The following GIGYF2 variants were observed in gnomAD, a reference collection of about 807,000 sequenced individuals.
GIGYF2 encodes the protein GRB10 interacting GYF protein 2.
A neutral mutation model predicts 208.1 loss-of-function variants in GIGYF2; 25 were observed. The observed-to-expected ratio is 0.12, with a 90% CI of 0.09 to 0.17. The LOEUF (loss-of-function observed/expected upper bound fraction) is 0.17. GIGYF2 is among the 10% of genes least tolerant of loss of function. GIGYF2 has a pLI of 1.00. For synonymous variants in GIGYF2, 534 were observed against 543.8 expected, an observed-to-expected ratio of 0.98 and a Z score of 0.25; for missense variants, 1,302 against 1,579.4, an observed-to-expected ratio of 0.82 and a Z score of 2.98.
At chr2:232,813,881 A>ATTTT (rs397871962) in intron 18 of GIGYF2, among the ~76,000 whole-genome samples, 17 of 73,530 alleles carry the variant, frequency 2.3e-4, no homozygotes, top group Admixed American at 1.6e-3. Flanking sequence ...TCACAAGTGG[A>ATTTT]TTTTTTTTTT....
rs190488076 is a variant in GIGYF2, at chr2:232,735,495, T to C, written c.41+257T>C. ...GAGTCCCACCCGCCCTAGAAAATTATTTTCTTTTTATTTGAGTCGTTGTCT... is the reference window on the plus strand; with the variant it reads ...GAGTCCCACCCGCCCTAGAAAATTACTTTCTTTTTATTTGAGTCGTTGTCT... On this transcript the variant is annotated intron_variant, in intron 3 of 28. Transcript: ENST00000373563. 1.6e-5 allele frequency: 6 copies of C among 379,646 alleles called. No individual in the cohort carries two copies. In the East Asian group the frequency reaches 2.8e-4, roughly 17 times the overall value. 23.5% of individuals were successfully genotyped at this position (379,646 alleles called of 1,614,324 possible).
At chr2:232,722,809 A>G (rs920458613) in intron 2 of GIGYF2, among the ~76,000 whole-genome samples, 2 of 152,160 alleles carry the variant, frequency 1.3e-5, no homozygotes, top group Non-Finnish European at 2.9e-5. Context: ...AAAAAAACAA[A>G]CAAACTCTAG....
chr2:232,827,118 G>A (rs1701273359), intron 21 of GIGYF2, among the ~76,000 whole-genome samples: 1 of 152,210 alleles, frequency 6.6e-6, no homozygotes, highest in African/African-American at 2.4e-5. Context: ...CTTGTTAGCG[G>A]TTAATGCGGC....
At chr2:232,851,436 C>CTTTTT (rs1690327287) in intron 28 of GIGYF2, among the ~76,000 whole-genome samples, 1 of 146,732 alleles carries the variant, frequency 6.8e-6, no homozygotes, top group Admixed American at 6.8e-5. Flanking sequence ...TTTTCTTTTT[C>CTTTTT]TTTGAGATGG....
chr2:232,751,558 A>G (rs1428170118), intron 5 of GIGYF2, among the ~76,000 whole-genome samples: 1 of 152,154 alleles, frequency 6.6e-6, no homozygotes, highest in Non-Finnish European at 1.5e-5. Context: ...TATGAGCTTC[A>G]TATACCAGTT....
At chr2:232,811,388 A>G (rs756675341) in intron 17 of GIGYF2, 37 bp downstream of exon 17, 9 of 1,163,090 alleles carry the variant, frequency 7.7e-6, no homozygotes, top group Non-Finnish European at 9.1e-6. Flanking sequence ...TATGGGGTGC[A>G]TGTGTTGTGA....
chr2:232,705,891 G>A (rs557937706), intron 2 of GIGYF2: 1 of 152,164 alleles, frequency 6.6e-6, no homozygotes, highest in Admixed American at 6.5e-5. Flanking sequence ...TTTTAGTAGA[G>A]ACAGGGTTTC....
chr2:232,778,971 G>A (rs921963706), intron 8 of GIGYF2, among the ~76,000 whole-genome samples: 1 of 152,130 alleles, frequency 6.6e-6, no homozygotes, highest in Admixed American at 6.5e-5. Flanking sequence ...AGATAAGGGG[G>A]CATCAGAGAA....
At chr2:232,698,933 AC>A (rs1695726808) in intron 1 of GIGYF2, among the ~76,000 whole-genome samples, 1 of 152,180 alleles carries the variant, frequency 6.6e-6, no homozygotes, top group South Asian at 2.1e-4. Context: ...CATTTATTTG[AC>A]AGATACCCTG....
At chr2:232,704,908 G>A (rs1353911377) in intron 2 of GIGYF2, among the ~76,000 whole-genome samples, 2 of 130,456 alleles carry the variant, frequency 1.5e-5, no homozygotes, top group Admixed American at 9.2e-5. Context: ...CGCCCAGGCT[G>A]GAGTGCAGTG....
chr2:232,849,211 C>A (rs1476604318), intron 27 of GIGYF2, among the ~76,000 whole-genome samples: 1 of 152,122 alleles, frequency 6.6e-6, no homozygotes, highest in East Asian at 1.9e-4. Context: ...GTTGCCCAAG[C>A]TGGAGTGCAG....
At chr2:232,701,231 T>A (rs1022162864) in intron 1 of GIGYF2, among the ~76,000 whole-genome samples, 3 of 151,944 alleles carry the variant, frequency 2.0e-5, no homozygotes, top group Non-Finnish European at 4.4e-5. Context: ...ATTTTATATT[T>A]TCTTGTTAAC....
chr2:232,838,781 C>G (rs1359391968), intron 22 of GIGYF2, among the ~76,000 whole-genome samples: 2 of 152,108 alleles, frequency 1.3e-5, no homozygotes, highest in Admixed American at 6.5e-5. Context: ...CAACACCTCC[C>G]TCCCCCAGTC....
At position 232,713,722 on chromosome 2, in the gene GIGYF2, CTAGT is replaced by C. The variant is rs1231024706; in HGVS notation, c.-44+10236_-44+10239del. On this transcript the variant is annotated intron_variant, in intron 2 of 28. Coordinates refer to ENST00000373563, the MANE Select transcript of GIGYF2 (RefSeq NM_001103146.3). ...ATGACCTTGACAAGTTTGAGGAGTA[CTAGT>C]TATTTTGTAGAATGACTCTCTTTTA... 7.9e-5 allele frequency among the ~76,000 whole-genome samples: 12 copies of C among 152,202 alleles called. No individual in the cohort carries two copies. In the South Asian group the frequency reaches 2.5e-3, roughly 32 times the overall value.
At chr2:232,797,981 CAAA>C (rs57991158) in intron 14 of GIGYF2, among the ~76,000 whole-genome samples, 1,176 of 102,190 alleles carry the variant, frequency 0.012, 6 homozygotes, top group African/African-American at 0.033. Context: ...ACTGTGCCTC[CAAA>C]AAAAAAAAAA....
chr2:232,731,723 G>A (rs140412902), intron 2 of GIGYF2, among the ~76,000 whole-genome samples: 107 of 152,260 alleles, frequency 7.0e-4, no homozygotes, highest in African/African-American at 2.5e-3. Context: ...ACCTTGACAA[G>A]TCATTCATTT....
chr2:232,730,262 C>A, intron 2 of GIGYF2: 1 of 770,536 alleles, frequency 1.3e-6, no homozygotes, highest in African/African-American at 1.8e-5. Context: ...GCACCCTGTG[C>A]TGAAAGAGGA....
At chr2:232,740,499 C>G (rs1697931462) in intron 3 of GIGYF2, among the ~76,000 whole-genome samples, 1 of 152,048 alleles carries the variant, frequency 6.6e-6, no homozygotes, top group Non-Finnish European at 1.5e-5. Flanking sequence ...TTTTCTTCCC[C>G]AAAGTATTTT....
chr2:232,771,457 C>G, intron 8 of GIGYF2: 1 of 921,144 alleles, frequency 1.1e-6, no homozygotes, highest in South Asian at 1.8e-5. Context: ...CATGGACTTT[C>G]TGCTTTCTTG....
Sources: gnomAD v4.1 joint callset for allele counts (sites outside exome capture counted in the v4.1 genomes callset) on GRCh38, gnomAD v4.1.1 for gene constraint, MANE v1.5 for transcripts, NCBI Gene and HGNC (gene_info 2026-07-23, HGNC 2026-07-21) for gene names.